The following EML5 variants were observed in gnomAD, a reference collection of about 807,000 sequenced individuals.
EML5 encodes the protein EMAP like 5.
A neutral mutation model predicts 250.0 loss-of-function variants in EML5; 120 were observed. The observed-to-expected ratio is 0.48, with a 90% CI of 0.41 to 0.56. EML5 has a LOEUF of 0.56. Among genes scored for constraint, EML5 ranks in the 20% least tolerant of loss-of-function variants. EML5 has a pLI of 0.00. For synonymous variants in EML5, 771 were observed against 806.5 expected, an observed-to-expected ratio of 0.96 and a Z score of 0.75; for missense variants, 2,006 against 2,437.6, an observed-to-expected ratio of 0.82 and a Z score of 3.73.
chr14:88,707,765 G>A (rs1039584680), intron 10 of EML5, among the ~76,000 whole-genome samples: 5 of 152,028 alleles, frequency 3.3e-5, no homozygotes, highest in Admixed American at 6.6e-5. Context: ...CTTAATATAA[G>A]TCACTAATTT....
chr14:88,716,035 C>A (rs969474811), intron 8 of EML5, among the ~76,000 whole-genome samples: 1 of 151,942 alleles, frequency 6.6e-6, no homozygotes, highest in Admixed American at 6.6e-5. Context: ...GAAGGAGAAA[C>A]AGAGGGAGGG....
At chr14:88,705,159 C>T (rs1327699985) in intron 12 of EML5, among the ~76,000 whole-genome samples, 181 bp from the exon 13 acceptor site, 1 of 152,108 alleles carries the variant, frequency 6.6e-6, no homozygotes, top group African/African-American at 2.4e-5. Context: ...ACATTTTCTA[C>T]ATATCACACT....
chr14:88,758,265 T>C (rs2094190694), intron 1 of EML5, among the ~76,000 whole-genome samples: 1 of 152,074 alleles, frequency 6.6e-6, no homozygotes, highest in Non-Finnish European at 1.5e-5. Flanking sequence ...CAATCTTGGC[T>C]TACTGCAACT....
intron 1 of EML5, among the ~76,000 whole-genome samples, chr14:88,776,876 G>A (rs574717412): frequency 1.5e-4 from 23 of 152,062 alleles, no homozygotes; most frequent in Admixed American, 1.2e-3. Flanking sequence ...GCAAGACCCC[G>A]TCTCAAAAAT....
chr14:88,690,455 A>C (rs1213336431), intron 17 of EML5, among the ~76,000 whole-genome samples: 1 of 152,324 alleles, frequency 6.6e-6, no homozygotes, highest in Non-Finnish European at 1.5e-5. Flanking sequence ...TAGATTCCAA[A>C]TGTATTCAGA....
chr14:88,709,994 G>C (rs2093377764), intron 10 of EML5, among the ~76,000 whole-genome samples: 1 of 152,258 alleles, frequency 6.6e-6, no homozygotes, highest in South Asian at 2.1e-4. Context: ...TCAACAAGAA[G>C]TACAGAGGGG....
At chr14:88,787,266 C>T (rs1052945264) in intron 1 of EML5, among the ~76,000 whole-genome samples, 2 of 152,136 alleles carry the variant, frequency 1.3e-5, no homozygotes, top group African/African-American at 4.8e-5. Context: ...AGTGCTATTC[C>T]TAGTATACAT....
At chr14:88,679,513 G>T (rs917152876) in intron 21 of EML5, among the ~76,000 whole-genome samples, 2 of 151,916 alleles carry the variant, frequency 1.3e-5, no homozygotes, top group Admixed American at 1.3e-4. Flanking sequence ...CCAACATGGT[G>T]AAACTCCATC....
chr14:88,676,958 G>A (rs958161433), intron 21 of EML5, among the ~76,000 whole-genome samples: 1 of 152,126 alleles, frequency 6.6e-6, no homozygotes, highest in African/African-American at 2.4e-5. Context: ...AGACTGACGT[G>A]CAGTGGCACA....
At chr14:88,658,128 TAAAC>T in intron 26 of EML5, 55 bp downstream of exon 26, 1 of 1,548,270 alleles carries the variant, frequency 6.5e-7, no homozygotes, top group East Asian at 2.2e-5. Flanking sequence ...TTCCACAGCT[TAAAC>T]AAGTTGTGCT....
rs72697949 is a variant in EML5, at chr14:88,790,603, G to A, written c.197+1704C>T. On this transcript the variant is annotated intron_variant, in intron 1 of 43. Transcript: ENST00000554922. ...AGTAAAAACAATACAAGTGTACCAC[G>A]AGAAGACCTCAAAATCCTTCACATT... Among the ~76,000 whole-genome samples, 55 of 152,214 alleles carry A rather than the reference G, an allele frequency of 3.6e-4. 1 individual carries two copies. In the Middle Eastern group the frequency reaches 0.014, roughly 38 times the overall value.
Position 88,626,989 on chromosome 14 carries a change from C to G in EML5, c.4589G>C (p.Arg1530Pro). ...GACAAACTGGGTATCTGAATCTGGT[C>G]GGAATTCTGCCACAAAAATACGTTG... ...HNQRIFVAEF[R>P]PDSDTQFVSV... Residue 1530 changes from arginine (R) to proline (P), a missense_variant, in exon 35 of 44, where the codon CGA (arginine) becomes CCA (proline). By Grantham distance (103) the Arg-to-Pro change is moderately radical. Coordinates refer to ENST00000554922, the MANE Select transcript of EML5 (RefSeq NM_183387.3). 1 of 1,613,830 alleles carries G rather than the reference C, an allele frequency of 6.2e-7. No individual in the cohort carries two copies. The highest frequency in any genetic ancestry group is 8.5e-7 in the Non-Finnish European group (1 of 1,179,844).
intron 1 of EML5, among the ~76,000 whole-genome samples, chr14:88,764,421 AT>A (rs1377147560): frequency 6.6e-6 from 1 of 152,160 alleles, no homozygotes; most frequent in Non-Finnish European, 1.5e-5. Flanking sequence ...GTAATCCCTT[AT>A]TCTCCTTTTA....
intron 3 of EML5, among the ~76,000 whole-genome samples, chr14:88,745,634 C>CT (rs1165656880): frequency 1.3e-5 from 2 of 151,970 alleles, no homozygotes; most frequent in Non-Finnish European, 2.9e-5. Context: ...CTAAACAGAC[C>CT]CTAGGCTCAA....
Position 88,620,683 on chromosome 14 carries a change from C to T in EML5, c.5375+71G>A. ...TGGGGACCTCTTTTTGAAGGCAAGG[C>T]TATGGAAAATTTTACAAATGGAAGT... On this transcript the variant is annotated intron_variant, in intron 39 of 43. Transcript: ENST00000554922. This position sits in a 1 kb window ranked among gnomAD's most constrained non-coding sequence, Gnocchi z 4.3. The T allele has an allele frequency of 7.5e-7, 1 of 1,339,776 alleles. No individual in the cohort carries two copies. Among genetic ancestry groups the T allele is most frequent in the South Asian group, 2.0e-5 (1 of 49,426 alleles). 83.0% of individuals were successfully genotyped at this position (1,339,776 alleles called of 1,614,324 possible).
At chr14:88,756,876 G>A (rs559651820) in intron 1 of EML5, among the ~76,000 whole-genome samples, 2 of 152,272 alleles carry the variant, frequency 1.3e-5, no homozygotes, top group East Asian at 3.9e-4. Context: ...TTAGAGGAAT[G>A]TAATATTTGT....
At chr14:88,664,656 C>G (rs758233636) in intron 22 of EML5, 32 bp from the exon 23 acceptor site, 3 of 1,591,606 alleles carry the variant, frequency 1.9e-6, no homozygotes, top group Non-Finnish European at 2.6e-6. Flanking sequence ...TTGACATTTT[C>G]TATCTTTGGA....
chr14:88,790,302 T>G (rs1305626433), intron 1 of EML5, among the ~76,000 whole-genome samples: 2 of 152,240 alleles, frequency 1.3e-5, no homozygotes, highest in East Asian at 3.8e-4. Context: ...ACATTAAAGA[T>G]GTGTCATTTG....
chr14:88,788,684 T>C (rs2094574966), intron 1 of EML5, among the ~76,000 whole-genome samples: 1 of 152,160 alleles, frequency 6.6e-6, no homozygotes, highest in Non-Finnish European at 1.5e-5. Context: ...AGATTATTTG[T>C]AAACTCTCAA....
Sources: allele counts gnomAD v4.1 joint callset (sites outside exome capture counted in the v4.1 genomes callset), GRCh38; gene constraint gnomAD v4.1.1; non-coding constraint Gnocchi (gnomAD v3.1); transcripts MANE v1.5; gene names NCBI Gene and HGNC (gene_info 2026-07-23, HGNC 2026-07-21).